NALF1: variants seen among roughly 807,000 people sequenced by gnomAD.
NALF1 encodes family with sequence similarity 155 member A.
NALF1 carries 3 observed loss-of-function variants against 48.4 expected under a neutral mutation model. That is an observed-to-expected ratio of 0.06 (90% CI 0.03 to 0.16). The LOEUF (loss-of-function observed/expected upper bound fraction) is 0.16. NALF1 is among the 10% of genes least tolerant of loss of function. NALF1 has a pLI of 1.00. For missense variants in NALF1, 526 were observed against 571.5 expected, an observed-to-expected ratio of 0.92 and a Z score of 0.81; for synonymous variants, 262 against 245.7, an observed-to-expected ratio of 1.07 and a Z score of -0.62.
intron 1 of NALF1, among the ~76,000 whole-genome samples, chr13:107,852,513 GTTTC>G (rs1353041938): frequency 6.6e-6 from 1 of 152,180 alleles, no homozygotes; most frequent in Non-Finnish European, 1.5e-5. Context: ...ACATTAAAAT[GTTTC>G]TTTATGCAGC....
At chr13:107,694,722 C>T (rs1881658920) in intron 1 of NALF1, among the ~76,000 whole-genome samples, 1 of 151,936 alleles carries the variant, frequency 6.6e-6, no homozygotes, top group Admixed American at 6.6e-5. Flanking sequence ...ATATATCAAA[C>T]TTCACTTAGA....
chr13:107,646,892 A>G (rs1880327745), intron 1 of NALF1, among the ~76,000 whole-genome samples: 1 of 152,070 alleles, frequency 6.6e-6, no homozygotes, highest in African/African-American at 2.4e-5. Context: ...TTTCTAAAGG[A>G]CAATGATTTG....
At position 107,166,006 on chromosome 13, in the gene NALF1, ATG is replaced by A. The variant is rs71204815; in HGVS notation, c.*4489_*4490del. On this transcript the variant is annotated 3_prime_UTR_variant, in exon 3 of 3. Coordinates refer to ENST00000375915, the MANE Select transcript of NALF1 (RefSeq NM_001080396.3). The stretch of plus-strand genomic sequence containing the variant: ...TTGGTTGAAGTTTTATTTGCAAGCG[ATG>A]TGTGTGTGTGTGTGTGTGTGTGTGT... The A allele has an allele frequency of 0.18, 26,819 of 145,702 alleles. 2,399 individuals are homozygous for A. The highest frequency in any genetic ancestry group is 0.23 in the Admixed American group (3,265 of 14,506). The allele number at this position is 145,702 out of a possible 1,614,324, so 9.0% of individuals were successfully genotyped here.
chr13:107,300,662 C>T (rs1287347669), intron 1 of NALF1, among the ~76,000 whole-genome samples: 1 of 151,994 alleles, frequency 6.6e-6, no homozygotes, highest in Admixed American at 6.6e-5. Context: ...AACATTTTAG[C>T]AGTTGCCATT....
intron 1 of NALF1, among the ~76,000 whole-genome samples, chr13:107,597,522 C>T (rs1189485212): frequency 6.6e-6 from 1 of 152,060 alleles, no homozygotes; most frequent in Non-Finnish European, 1.5e-5. Context: ...CTATCAATCT[C>T]ATACACATCA....
At chr13:107,364,528 G>A (rs147470687) in intron 1 of NALF1, among the ~76,000 whole-genome samples, 57 of 152,302 alleles carry the variant, frequency 3.7e-4, no homozygotes, top group African/African-American at 1.3e-3. Context: ...ACGGAGGAGT[G>A]GGGTCTGCTC....
intron 1 of NALF1, among the ~76,000 whole-genome samples, chr13:107,611,157 TA>T (rs898996402): frequency 3.3e-5 from 5 of 152,064 alleles, no homozygotes; most frequent in Admixed American, 2.0e-4. Context: ...AGCAGTCCTT[TA>T]AAAAAAATGT....
intron 1 of NALF1, among the ~76,000 whole-genome samples, chr13:107,320,325 C>A (rs1882229525): frequency 2.0e-5 from 3 of 152,112 alleles, no homozygotes; most frequent in Non-Finnish European, 4.4e-5. Flanking sequence ...CCCATGCTAA[C>A]ACACAAAAAA....
intron 1 of NALF1, among the ~76,000 whole-genome samples, chr13:107,359,518 T>G (rs1566494973): frequency 6.6e-6 from 1 of 152,126 alleles, no homozygotes; most frequent in Non-Finnish European, 1.5e-5. Context: ...ATTAAAGAAA[T>G]ATTAATATTC....
At chr13:107,334,919 G>A (rs1882529078) in intron 1 of NALF1, among the ~76,000 whole-genome samples, 1 of 152,082 alleles carries the variant, frequency 6.6e-6, no homozygotes, top group Admixed American at 6.6e-5. Context: ...GAAGAATTTG[G>A]GATAGAGGCT....
At chr13:107,302,103 T>C (rs1566479292) in intron 1 of NALF1, among the ~76,000 whole-genome samples, 1 of 152,120 alleles carries the variant, frequency 6.6e-6, no homozygotes, top group Non-Finnish European at 1.5e-5. Flanking sequence ...ATAAATGCAT[T>C]ATCACGGGAG....
intron 1 of NALF1, among the ~76,000 whole-genome samples, chr13:107,448,779 T>C (rs756525210): frequency 2.6e-5 from 4 of 152,214 alleles, no homozygotes; most frequent in Non-Finnish European, 5.9e-5. Flanking sequence ...ACAATAGATA[T>C]ACAAATTCGA....
chr13:107,318,169 C>G (rs1275451045), intron 1 of NALF1, among the ~76,000 whole-genome samples: 1 of 151,952 alleles, frequency 6.6e-6, no homozygotes, highest in Non-Finnish European at 1.5e-5. Context: ...TAAAAAAGTC[C>G]TAAGCAATTA....
chr13:107,589,810 A>C (rs1441602300), intron 1 of NALF1, among the ~76,000 whole-genome samples: 1 of 151,952 alleles, frequency 6.6e-6, no homozygotes, highest in Admixed American at 6.6e-5. Flanking sequence ...ATTTCCCTTG[A>C]GGCAGGGCTT....
At chr13:107,254,144 G>T (rs1445097370) in intron 1 of NALF1, among the ~76,000 whole-genome samples, 3 of 151,538 alleles carry the variant, frequency 2.0e-5, no homozygotes, top group Non-Finnish European at 4.4e-5. Context: ...TTACACACAG[G>T]CAAGACATTG....
intron 1 of NALF1, among the ~76,000 whole-genome samples, chr13:107,388,032 A>C (rs973274326): frequency 2.0e-5 from 3 of 152,166 alleles, no homozygotes; most frequent in Non-Finnish European, 2.9e-5. Flanking sequence ...TGTTTGTAGA[A>C]TGTCAGTAGC....
At chr13:107,794,677 T>C (rs1276838864) in intron 1 of NALF1, among the ~76,000 whole-genome samples, 1 of 151,582 alleles carries the variant, frequency 6.6e-6, no homozygotes, top group East Asian at 1.9e-4. Context: ...CCCCATTTCC[T>C]ACCTATAGGA....
At chr13:107,782,328 T>G (rs968591478) in intron 1 of NALF1, among the ~76,000 whole-genome samples, 12 of 152,196 alleles carry the variant, frequency 7.9e-5, no homozygotes, top group Admixed American at 2.6e-4. Flanking sequence ...GTGCCAGGAT[T>G]GCAGACGGTG....
chr13:107,854,582 C>T (rs966110831), intron 1 of NALF1, among the ~76,000 whole-genome samples: 2 of 152,114 alleles, frequency 1.3e-5, no homozygotes, highest in African/African-American at 2.4e-5. Context: ...TTTAAAAAGA[C>T]CTATTTGGGG....
Sources: allele counts gnomAD v4.1 joint callset (sites outside exome capture counted in the v4.1 genomes callset), GRCh38; gene constraint gnomAD v4.1.1; transcripts MANE v1.5; gene names NCBI Gene and HGNC (gene_info 2026-07-23, HGNC 2026-07-21).